Variants in LMX1A observed in about 807,000 individuals in gnomAD.
LMX1A encodes LIM homeobox transcription factor 1 alpha, also known as LIM homeobox transcription factor 1-alpha.
LMX1A carries 15 observed loss-of-function variants against 49.1 expected under a neutral mutation model. The observed-to-expected ratio is 0.31, with a 90% CI of 0.20 to 0.47. The LOEUF (loss-of-function observed/expected upper bound fraction) is 0.47. Among genes scored for constraint, LMX1A ranks in the 20% least tolerant of loss-of-function variants. The probability of loss-of-function intolerance (pLI) is 1.00; values close to 1 mark genes in which losing one functional copy is unlikely to be tolerated. For missense variants in LMX1A, 372 were observed against 475.8 expected (o/e 0.78, Z 2.03); for synonymous variants, 167 against 185.7 (o/e 0.90, Z 0.82).
intron 4 of LMX1A, among the ~76,000 whole-genome samples, chr1:165,219,403 A>T (rs889829401): frequency 6.6e-6 from 1 of 152,114 alleles, no homozygotes; most frequent in Non-Finnish European, 1.5e-5. Flanking sequence ...AATGTCTTTT[A>T]GACAGGGGGA....
At chr1:165,210,876 T>C (rs1367098082) in intron 5 of LMX1A, 100 bp from the exon 6 acceptor site, 4 of 682,046 alleles carry the variant, frequency 5.9e-6, no homozygotes, top group African/African-American at 5.5e-5. Context: ...AGACTGTATC[T>C]GCTTTAGGAG....
chr1:165,313,333 C>T (rs1655126742), intron 3 of LMX1A, among the ~76,000 whole-genome samples: 1 of 152,132 alleles, frequency 6.6e-6, no homozygotes, highest in Non-Finnish European at 1.5e-5. Flanking sequence ...AAACACATAT[C>T]CTAAACCCTA....
rs77128138 is a variant in LMX1A, at chr1:165,356,484, G to T, written c.-152C>A. The stretch of plus-strand genomic sequence containing the variant: ...GAGCCGCCCTCGGCTTCGGAGCGCC[G>T]GGGAGGGAGCCGGAGCGAACGCCGG... On this transcript the variant is annotated 5_prime_UTR_variant, in exon 1 of 9. Coordinates refer to ENST00000342310, the MANE Select transcript of LMX1A (RefSeq NM_177398.4). 2.0e-5 allele frequency: 3 copies of T among 152,102 alleles called. No individual in the cohort carries two copies. Among genetic ancestry groups the T allele is most frequent in the Non-Finnish European group, 4.4e-5 (3 of 68,008 alleles). The allele number at this position is 152,102 out of a possible 1,614,324, so 9.4% of individuals were successfully genotyped here. A position where few individuals can be genotyped will look rare whatever the true frequency, so the allele number is the denominator to read the frequency against.
chr1:165,220,672 A>G (rs950359689), intron 4 of LMX1A, among the ~76,000 whole-genome samples: 4 of 152,246 alleles, frequency 2.6e-5, no homozygotes, highest in African/African-American at 7.2e-5. Flanking sequence ...TTTAGCCAGC[A>G]TATCAGACAT....
At chr1:165,275,553 T>C (rs1019273801) in intron 3 of LMX1A, among the ~76,000 whole-genome samples, 1 of 152,160 alleles carries the variant, frequency 6.6e-6, no homozygotes, top group Non-Finnish European at 1.5e-5. Flanking sequence ...CCCTACTGGG[T>C]TCCCCTCAAT....
At chr1:165,277,443 G>A (rs1431146388) in intron 3 of LMX1A, among the ~76,000 whole-genome samples, 2 of 152,204 alleles carry the variant, frequency 1.3e-5, no homozygotes, top group East Asian at 1.9e-4. Flanking sequence ...AGACTGTTCA[G>A]GGGTCACAGA....
At chr1:165,217,568 C>G (rs1043896041) in intron 4 of LMX1A, among the ~76,000 whole-genome samples, 5 of 152,188 alleles carry the variant, frequency 3.3e-5, no homozygotes, top group African/African-American at 1.2e-4. Context: ...GTTCCAGGAC[C>G]CCTGCATATA....
chr1:165,213,674 G>C lies in LMX1A; in HGVS notation c.636C>G (p.Ala212=), dbSNP rs764408689. 1.9e-6 allele frequency: 3 copies of C among 1,614,190 alleles called. No individual in the cohort carries two copies. Among genetic ancestry groups the C allele is most frequent in the South Asian group, 2.2e-5 (2 of 91,082 alleles). ...LTTQQRRAFK[A]SFEVSSKPCR... is the part of the protein sequence containing the mutation. Reference sequence around the variant, plus strand: ...AGGGCTTGGAGGATACTTCAAATGAGGCCTTGAATGCTCGCCTCTGTTGAG... The same window carrying C: ...AGGGCTTGGAGGATACTTCAAATGACGCCTTGAATGCTCGCCTCTGTTGAG... The change falls in exon 5 of 9, where the codon GCC becomes GCG. Residue 212 remains alanine (A), a synonymous_variant. Coordinates refer to ENST00000342310, the MANE Select transcript of LMX1A (RefSeq NM_177398.4).
At chr1:165,325,307 C>A (rs1504704) in intron 3 of LMX1A, among the ~76,000 whole-genome samples, 140,951 of 152,240 alleles carry the variant, frequency 0.93, 65,285 homozygotes, top group Middle Eastern at 0.95. Context: ...CAGAACTATA[C>A]ATTCTAATTA....
chr1:165,299,600 A>G (rs12722754), intron 3 of LMX1A, among the ~76,000 whole-genome samples: 2 of 152,232 alleles, frequency 1.3e-5, no homozygotes, highest in Non-Finnish European at 2.9e-5. Flanking sequence ...TGAAATCCAG[A>G]AGGTTTAGTA....
intron 3 of LMX1A, among the ~76,000 whole-genome samples, chr1:165,321,199 T>C (rs1655375999): frequency 6.6e-6 from 1 of 152,184 alleles, no homozygotes; most frequent in Admixed American, 6.5e-5. Context: ...GGCAAATCCA[T>C]AGAAACAGAA....
chr1:165,350,303 A>G (rs759581704), intron 3 of LMX1A, among the ~76,000 whole-genome samples: 2 of 152,156 alleles, frequency 1.3e-5, no homozygotes, highest in East Asian at 1.9e-4. Flanking sequence ...GAGGATAAAT[A>G]TCTGGCCATT....
At chr1:165,209,892 G>C (rs968272228) in intron 6 of LMX1A, among the ~76,000 whole-genome samples, 13 of 152,338 alleles carry the variant, frequency 8.5e-5, no homozygotes, top group Admixed American at 6.5e-4. Flanking sequence ...GAGGAGGGCA[G>C]TCTTGTGGGG....
In LMX1A at chr1:165,203,022, C is replaced by A. The variant is rs1409358635; in HGVS notation, c.*858G>T. ...AGATGCTGAAGCTCAAGAGCTGAAC[C>A]AATCATCCTAGCACTGCCCAACAAC... On this transcript the variant is annotated 3_prime_UTR_variant, in exon 9 of 9. Transcript: ENST00000342310. 6.6e-6 allele frequency: 1 copy of A among 152,598 alleles called. No individual in the cohort carries two copies. Among genetic ancestry groups the A allele is most frequent in the Non-Finnish European group, 1.5e-5 (1 of 68,062 alleles). The allele number at this position is 152,598 out of a possible 1,614,324, so 9.5% of individuals were successfully genotyped here.
At chr1:165,301,592 G>A (rs1396609601) in intron 3 of LMX1A, among the ~76,000 whole-genome samples, 1 of 152,144 alleles carries the variant, frequency 6.6e-6, no homozygotes, top group Non-Finnish European at 1.5e-5. Flanking sequence ...GAAATTTGGT[G>A]TTAAAAAACA....
At chr1:165,244,615 G>A (rs563021769) in intron 4 of LMX1A, among the ~76,000 whole-genome samples, 3 of 152,214 alleles carry the variant, frequency 2.0e-5, no homozygotes, top group Admixed American at 6.5e-5. Flanking sequence ...GAGCAGAGAG[G>A]AGAAAAAGCA....
chr1:165,334,431 C>A (rs1397649624), intron 3 of LMX1A, among the ~76,000 whole-genome samples: 1 of 152,114 alleles, frequency 6.6e-6, no homozygotes, highest in African/African-American at 2.4e-5. Flanking sequence ...TCATTTAAAA[C>A]TCAAAACATT....
intron 3 of LMX1A, among the ~76,000 whole-genome samples, chr1:165,266,979 C>A (rs1296676457): frequency 6.6e-6 from 1 of 151,440 alleles, no homozygotes; most frequent in Non-Finnish European, 1.5e-5. Context: ...CTTTCTTTCT[C>A]TTTTCCTTCC....
At chr1:165,236,796 C>T (rs1652463247) in intron 4 of LMX1A, among the ~76,000 whole-genome samples, 1 of 148,036 alleles carries the variant, frequency 6.8e-6, no homozygotes, top group African/African-American at 2.5e-5. Context: ...AAAAAAAATC[C>T]CAGGCTGCAC....
Sources: allele counts gnomAD v4.1 joint callset (sites outside exome capture counted in the v4.1 genomes callset), GRCh38; gene constraint gnomAD v4.1.1; transcripts MANE v1.5; gene names NCBI Gene and HGNC (gene_info 2026-07-23, HGNC 2026-07-21).